The following NRDE2 variants were observed in gnomAD, a reference collection of about 807,000 sequenced individuals.
NRDE2 encodes the protein nuclear exosome regulator NRDE2.
Under a neutral mutation model 124.2 loss-of-function variants are expected in NRDE2, and 76 were observed. The ratio of observed to expected loss-of-function variants is 0.61; its 90% confidence interval spans 0.51 to 0.74. NRDE2 has a LOEUF of 0.74. Among genes scored for constraint, NRDE2 ranks in the 30% least tolerant of loss-of-function variants. NRDE2 has a pLI of 0.00. For missense variants in NRDE2, 1,314 were observed against 1,417.3 expected, an observed-to-expected ratio of 0.93 and a Z score of 1.17; for synonymous variants, 489 against 528.1, an observed-to-expected ratio of 0.93 and a Z score of 1.01.
At position 90,278,428 on chromosome 14, in the gene NRDE2, C is replaced by A; in HGVS notation, c.3403G>T (p.Asp1135Tyr). Residue 1135 changes from aspartate to tyrosine, a missense_variant, in exon 14 of 14, where the codon GAT becomes TAT. Transcript: ENST00000354366. ...LYLDAVEYFP[D>Y]EMQEILDLMT... ...AGGTCCAGGATCTCCTGCATCTCAT[C>A]GGGGAAATACTCCACGGCGTCCAGG... The A allele has an allele frequency of 1.2e-6, 2 of 1,614,098 alleles. No individual in the cohort carries two copies. Among genetic ancestry groups the A allele is most frequent in the Non-Finnish European group, 1.7e-6 (2 of 1,179,974 alleles).
chr14:90,325,389 G>A (rs539392861), intron 1 of NRDE2, among the ~76,000 whole-genome samples: 1 of 152,026 alleles, frequency 6.6e-6, no homozygotes, highest in Non-Finnish European at 1.5e-5. Context: ...GAACTGAAGG[G>A]GTCAGATGCT....
intron 12 of NRDE2, chr14:90,279,924 G>A (rs1158194367): frequency 6.6e-6 from 1 of 152,310 alleles, no homozygotes; most frequent in East Asian, 1.9e-4. Context: ...TCCCTCAGAA[G>A]GTTCTAGGGG....
At chr14:90,324,575 C>T (rs980685493) in intron 1 of NRDE2, among the ~76,000 whole-genome samples, 1 of 149,940 alleles carries the variant, frequency 6.7e-6, no homozygotes, top group Non-Finnish European at 1.5e-5. Flanking sequence ...ACTCGGGAGG[C>T]TGAGGGAGGA....
intron 1 of NRDE2, among the ~76,000 whole-genome samples, chr14:90,326,451 G>A (rs904279270): frequency 8.2e-5 from 12 of 147,134 alleles, no homozygotes; most frequent in East Asian, 6.0e-4. Context: ...CCGAGATCGC[G>A]CCACTGCAGT....
Position 90,270,273 on chromosome 14 carries a change from G to A in NRDE2, c.*8063C>T. 1.2e-6 allele frequency: 2 copies of A among 1,613,704 alleles called. No homozygotes were observed. Among genetic ancestry groups the A allele is most frequent in the Non-Finnish European group, 1.7e-6 (2 of 1,179,894 alleles). On this transcript the variant is annotated 3_prime_UTR_variant, in exon 14 of 14. Coordinates refer to ENST00000354366, the MANE Select transcript of NRDE2 (RefSeq NM_017970.4). ...AAGCGCATCTTTCAGATTCACACAA[G>A]CAGGATGACGCTGGCTGATGATGTA...
intron 12 of NRDE2, among the ~76,000 whole-genome samples, chr14:90,283,302 C>T (rs1892006322): frequency 1.3e-5 from 2 of 152,118 alleles, no homozygotes; most frequent in African/African-American, 2.4e-5. Context: ...TTTTCAAAGC[C>T]AATAAGCACT....
At chr14:90,306,525 T>C (rs1370773436) in intron 4 of NRDE2, among the ~76,000 whole-genome samples, 1 of 152,192 alleles carries the variant, frequency 6.6e-6, no homozygotes, top group Non-Finnish European at 1.5e-5. Context: ...ATAGCACTAA[T>C]GTAGGCCGGG....
chr14:90,311,970 T>C (rs1347321282), intron 4 of NRDE2, among the ~76,000 whole-genome samples: 1 of 152,178 alleles, frequency 6.6e-6, no homozygotes, highest in African/African-American at 2.4e-5. Context: ...AGAAACATTT[T>C]GAAAAAGTCC....
chr14:90,294,878 T>C (rs1425643623), intron 8 of NRDE2, among the ~76,000 whole-genome samples: 4 of 152,170 alleles, frequency 2.6e-5, no homozygotes, highest in East Asian at 1.9e-4. Flanking sequence ...TATGATTCCA[T>C]TTATATAACC....
At chr14:90,321,226 C>T (rs1443174972) in intron 1 of NRDE2, among the ~76,000 whole-genome samples, 1 of 152,048 alleles carries the variant, frequency 6.6e-6, no homozygotes, top group East Asian at 1.9e-4. Flanking sequence ...CTTCAGAAGA[C>T]ACAAGAAAGG....
intron 1 of NRDE2, among the ~76,000 whole-genome samples, chr14:90,322,624 A>G (rs996003367): frequency 3.3e-5 from 5 of 152,242 alleles, no homozygotes; most frequent in African/African-American, 1.2e-4. Flanking sequence ...TAATCATTAC[A>G]TAAGTTAATG....
intron 11 of NRDE2, 76 bp downstream of exon 11, chr14:90,288,141 C>A (rs1892158752): frequency 2.2e-6 from 3 of 1,390,222 alleles, no homozygotes; most frequent in East Asian, 4.6e-5. Context: ...TTCCTGAGAC[C>A]CAGCAAGGTC....
intron 12 of NRDE2, among the ~76,000 whole-genome samples, chr14:90,285,016 C>T (rs1188420031): frequency 1.3e-5 from 2 of 152,028 alleles, no homozygotes; most frequent in African/African-American, 4.8e-5. Context: ...CAGTGGCTCA[C>T]ACCTGTAATC....
intron 4 of NRDE2, among the ~76,000 whole-genome samples, chr14:90,308,532 G>A (rs1244618169): frequency 6.6e-6 from 1 of 151,790 alleles, no homozygotes; most frequent in Non-Finnish European, 1.5e-5. Flanking sequence ...GTGGGAGGGA[G>A]GAAAAAAAGA....
chr14:90,330,113 A>G (rs1022826522), intron 1 of NRDE2, among the ~76,000 whole-genome samples: 1 of 151,818 alleles, frequency 6.6e-6, no homozygotes. Context: ...AGGCTGAGGC[A>G]GGAGAATCAC....
rs1029432932 is a variant in NRDE2 at position 90,275,370 on chromosome 14, T to G, written c.*2966A>C. On this transcript the variant is annotated 3_prime_UTR_variant, in exon 14 of 14. Coordinates refer to ENST00000354366, the MANE Select transcript of NRDE2 (RefSeq NM_017970.4). ...ACTCACACGGTTCAGGAAACAAAATTCTTTGTAACGCACTTGCATCTTTTC... is the reference window on the plus strand; with the variant it reads ...ACTCACACGGTTCAGGAAACAAAATGCTTTGTAACGCACTTGCATCTTTTC... The G allele has an allele frequency of 6.6e-6, 1 of 152,018 alleles. No homozygotes were observed. The highest frequency in any genetic ancestry group is 2.4e-5 in the African/African-American group (1 of 41,362). The allele number at this position is 152,018 out of a possible 1,614,324, so 9.4% of individuals were successfully genotyped here. A position where few individuals can be genotyped will look rare whatever the true frequency, so the allele number is the denominator to read the frequency against.
In NRDE2 at chr14:90,268,512, C is replaced by T; in HGVS notation, c.*9824G>A. On this transcript the variant is annotated 3_prime_UTR_variant, in exon 14 of 14. Coordinates refer to ENST00000354366, the MANE Select transcript of NRDE2 (RefSeq NM_017970.4). ...TCTCAGGGGGCTCTCCCTATGGCCA[C>T]AGTTCTTGCTGTGCGTGGCCTTCCA... 1 of 1,223,260 alleles carries T rather than the reference C, an allele frequency of 8.2e-7. No individual in the cohort carries two copies. Among genetic ancestry groups the T allele is most frequent in the Non-Finnish European group, 1.2e-6 (1 of 854,182 alleles). The allele number at this position is 1,223,260 out of a possible 1,614,324, so 75.8% of individuals were successfully genotyped here. A position where few individuals can be genotyped will look rare whatever the true frequency, so the allele number is the denominator to read the frequency against.
In NRDE2 at chr14:90,290,487, A is replaced by T. The variant is rs755401760; in HGVS notation, c.1963T>A (p.Ser655Thr). The change falls in exon 10 of 14, where the codon TCC (serine) becomes ACC (threonine). Residue 655 changes from serine to threonine, a missense_variant. Transcript: ENST00000354366. ...GVPSGFTPPA[S>T]CLYLAMDENS... ...TCATCCATGGCCAGATAAAGACAGGAGGCTGGAGGAGTAAAGCCAGAAGGC... is the reference window on the plus strand; with the variant it reads ...TCATCCATGGCCAGATAAAGACAGGTGGCTGGAGGAGTAAAGCCAGAAGGC... 2.4e-5 allele frequency: 39 copies of T among 1,614,098 alleles called. No individual in the cohort carries two copies. The highest frequency in any genetic ancestry group is 3.2e-5 in the Non-Finnish European group (38 of 1,180,020).
At chr14:90,321,448 A>G (rs1007351949) in intron 1 of NRDE2, among the ~76,000 whole-genome samples, 3 of 150,900 alleles carry the variant, frequency 2.0e-5, no homozygotes, top group African/African-American at 4.9e-5. Flanking sequence ...CTTGGCCAGT[A>G]TATCTATTAT....
Sources: gnomAD v4.1 joint callset for allele counts (sites outside exome capture counted in the v4.1 genomes callset) on GRCh38, gnomAD v4.1.1 for gene constraint, MANE v1.5 for transcripts, NCBI Gene and HGNC (gene_info 2026-07-23, HGNC 2026-07-21) for gene names.